Variants in RRM2 observed in about 807,000 individuals in gnomAD.
RRM2 encodes ribonucleotide reductase regulatory subunit M2.
Under a neutral mutation model 45.9 loss-of-function variants are expected in RRM2, and 6 were observed. The observed-to-expected ratio is 0.13, with a 90% CI of 0.07 to 0.26. RRM2 has a LOEUF of 0.26. RRM2 is among the 10% of genes least tolerant of loss of function. RRM2 has a pLI of 1.00. For synonymous variants in RRM2, 177 were observed against 173.0 expected (o/e 1.02, Z -0.18); for missense variants, 343 against 489.5 (o/e 0.70, Z 2.82).
chr2:10,197,497 C>T (rs1664441247), intron 3 of RRM2, among the ~76,000 whole-genome samples: 1 of 152,080 alleles, frequency 6.6e-6, no homozygotes, highest in African/African-American at 2.4e-5. Context: ...GGGGGAACTC[C>T]AGCAAGGCCT....
intron 3 of RRM2, among the ~76,000 whole-genome samples, chr2:10,142,963 T>A (rs186017039): frequency 6.6e-6 from 1 of 152,376 alleles, no homozygotes; most frequent in East Asian, 1.9e-4. Flanking sequence ...AAGCTCTGCC[T>A]CCTGGGTTCA....
At chr2:10,139,729 A>G (rs530680774), upstream of RRM2, among the ~76,000 whole-genome samples, 10 of 152,296 alleles carry the variant, frequency 6.6e-5, no homozygotes, top group South Asian at 2.1e-3. Context: ...CCCCTTGGGA[A>G]TTGGAAGCAA....
chr2:10,208,470 G>A (rs966105652), intron 3 of RRM2, among the ~76,000 whole-genome samples: 2 of 152,172 alleles, frequency 1.3e-5, no homozygotes, highest in African/African-American at 4.8e-5. Flanking sequence ...AGACACAAAA[G>A]AATATGCTTC....
chr2:10,124,622 A>G (rs915542012), intron 4 of RRM2, 95 bp from the exon 5 acceptor site: 102 of 1,355,602 alleles, frequency 7.5e-5, no homozygotes, highest in Non-Finnish European at 1.0e-4. Context: ...AATAAACCTT[A>G]TAATGGTACA....
chr2:10,140,785 T>C (rs1663065233), upstream of RRM2, among the ~76,000 whole-genome samples: 1 of 151,942 alleles, frequency 6.6e-6, no homozygotes, highest in Non-Finnish European at 1.5e-5. Context: ...AGGTTGGGAG[T>C]AAGAGCAGTT....
intron 3 of RRM2, among the ~76,000 whole-genome samples, chr2:10,210,114 C>T (rs780970766): frequency 4.6e-5 from 7 of 152,180 alleles, no homozygotes; most frequent in Non-Finnish European, 7.4e-5. Context: ...CTTGCCTTGG[C>T]CCCAGCCCTC....
chr2:10,142,696 G>A (rs1007352949), intron 3 of RRM2, among the ~76,000 whole-genome samples: 3 of 151,314 alleles, frequency 2.0e-5, no homozygotes, highest in Admixed American at 1.3e-4. Context: ...TTCACCCTCC[G>A]CCAGTCCATT....
intron 3 of RRM2, among the ~76,000 whole-genome samples, chr2:10,203,760 A>C (rs906802653): frequency 4.7e-5 from 7 of 150,148 alleles, no homozygotes; most frequent in African/African-American, 7.3e-5. Flanking sequence ...CACAAAAATA[A>C]ATACATACAT....
Position 10,122,907 on chromosome 2 carries a change from C to CGGGGAGGGCGCTGCGGGCA in RRM2, c.99+19_99+37dup. On this transcript the variant is annotated intron_variant, in intron 1 of 9. Transcript: ENST00000304567. ...CGACAAGGAGAACACGGTGAGCCCGCGGGGAGGGCGCTGCGGGCAGGGGAG... is the reference window on the plus strand; with the variant it reads ...CGACAAGGAGAACACGGTGAGCCCGCGGGGAGGGCGCTGCGGGCAGGGGAGGGCGCTGCGGGCAGGGGAG... The CGGGGAGGGCGCTGCGGGCA allele has an allele frequency of 1.3e-6, 2 of 1,569,688 alleles. No homozygotes were observed. Among genetic ancestry groups the CGGGGAGGGCGCTGCGGGCA allele is most frequent in the Non-Finnish European group, 1.7e-6 (2 of 1,160,282 alleles).
At chr2:10,144,575 T>C (rs972835692) in intron 3 of RRM2, among the ~76,000 whole-genome samples, 1 of 152,230 alleles carries the variant, frequency 6.6e-6, no homozygotes, top group Non-Finnish European at 1.5e-5. Context: ...GGCCCTTCCA[T>C]GATCCGCAAC....
At chr2:10,126,998 C>A (rs772043973) in intron 6 of RRM2, 29 bp downstream of exon 6, 2 of 1,612,046 alleles carry the variant, frequency 1.2e-6, no homozygotes, top group Non-Finnish European at 1.7e-6. Context: ...CTACTTAAAC[C>A]TGAGCTTCAT....
chr2:10,138,167 ATTT>A (rs35428652), upstream of RRM2, among the ~76,000 whole-genome samples: 17 of 136,116 alleles, frequency 1.2e-4, no homozygotes, highest in Admixed American at 1.5e-4. Context: ...TGCCCGGCTA[ATTT>A]TTTTTTTTTT....
exon 2 of RRM2, chr2:10,141,930 A>T: frequency 1.3e-6 from 2 of 1,578,536 alleles, no homozygotes; most frequent in Admixed American, 1.8e-5. Context: ...AGGGAGATGG[A>T]GACCAATCAC....
chr2:10,199,877 A>G lies in RRM2; in HGVS notation n.483-10434A>G, dbSNP rs751466137. On this transcript the variant is annotated intron_variant and non_coding_transcript_variant, in intron 3 of 3. Transcript: ENST00000381786. ...AGGTAAAGTTTCACTCTTGTTGCCC[A>G]GGCTGGAGTGCAATGGTGCAATCTC... Among the ~76,000 whole-genome samples the G allele has an allele frequency of 4.1e-4, 62 of 149,648 alleles. 1 individual carries two copies. The highest frequency in any genetic ancestry group is 8.1e-4 in the Non-Finnish European group (55 of 67,730).
chr2:10,202,620 TATCTC>T (rs766072596), intron 3 of RRM2, among the ~76,000 whole-genome samples: 3 of 152,138 alleles, frequency 2.0e-5, no homozygotes, highest in Non-Finnish European at 2.9e-5. Flanking sequence ...GCAGGGAAGT[TATCTC>T]AGGTTGGCAT....
rs1664388630 is a variant in RRM2, at chr2:10,195,169, C to T, written n.483-15142C>T. On this transcript the variant is annotated intron_variant and non_coding_transcript_variant, in intron 3 of 3. Transcript: ENST00000381786. This position sits in a 1 kb window ranked among gnomAD's most constrained non-coding sequence, Gnocchi z 4.9. ...GCTCCTGGGGAGCTACCGAGGGCAA[C>T]AGGCATGTTCTGGAAGACCCACCGT... Among the ~76,000 whole-genome samples the T allele has an allele frequency of 6.6e-6, 1 of 152,174 alleles. No individual in the cohort carries two copies. Among genetic ancestry groups the T allele is most frequent in the Admixed American group, 6.5e-5 (1 of 15,274 alleles).
chr2:10,177,213 TC>T (rs1389503135), intron 3 of RRM2, among the ~76,000 whole-genome samples: 2 of 151,978 alleles, frequency 1.3e-5, no homozygotes, highest in Non-Finnish European at 2.9e-5. Flanking sequence ...ACCATTGCAC[TC>T]CAGCCTGGGC....
intron 3 of RRM2, among the ~76,000 whole-genome samples, chr2:10,201,188 CT>C (rs1197262280): frequency 1.3e-5 from 2 of 151,692 alleles, no homozygotes; most frequent in Non-Finnish European, 2.9e-5. Flanking sequence ...AGAAAACAGA[CT>C]TGTATTGCAC....
At chr2:10,207,516 C>T (rs1664685573) in intron 3 of RRM2, among the ~76,000 whole-genome samples, 1 of 152,096 alleles carries the variant, frequency 6.6e-6, no homozygotes, top group South Asian at 2.1e-4. Flanking sequence ...TGATTCAGTC[C>T]CCACCCACCT....
Sources: gnomAD v4.1 joint callset for allele counts (sites outside exome capture counted in the v4.1 genomes callset) on GRCh38, gnomAD v4.1.1 for gene constraint, Gnocchi (gnomAD v3.1) non-coding constraint, MANE v1.5 for transcripts, NCBI Gene and HGNC (gene_info 2026-07-23, HGNC 2026-07-21) for gene names.